Variants in SLC44A3 observed in about 807,000 individuals in gnomAD.
The protein encoded by SLC44A3 is solute carrier family 44 member 3, also known as choline transporter-like protein 3.
Under a neutral mutation model 75.4 loss-of-function variants are expected in SLC44A3, and 74 were observed. The ratio of observed to expected loss-of-function variants is 0.98; its 90% CI spans 0.81 to 1.19. The LOEUF (loss-of-function observed/expected upper bound fraction) is 1.19. Ranked by LOEUF, SLC44A3 falls within the 50% of genes most tolerant of loss-of-function variation. SLC44A3 has a pLI of 0.00. For missense variants in SLC44A3, 700 were observed against 778.6 expected (o/e 0.90, Z 1.20); for synonymous variants, 310 against 296.9 (o/e 1.04, Z -0.45).
At chr1:94,868,889 C>T (rs534623837) in intron 12 of SLC44A3, among the ~76,000 whole-genome samples, 48 of 152,248 alleles carry the variant, frequency 3.2e-4, no homozygotes, top group Non-Finnish European at 5.6e-4. Context: ...TTCATACTGG[C>T]CCCTGGAAGC....
At chr1:94,879,708 A>G (rs1212464313) in intron 12 of SLC44A3, among the ~76,000 whole-genome samples, 4 of 148,258 alleles carry the variant, frequency 2.7e-5, no homozygotes, top group Non-Finnish European at 4.5e-5. Context: ...GTGTGGTGGC[A>G]GGTGCCTGTA....
chr1:94,821,835 A>C (rs1369414677), intron 2 of SLC44A3, among the ~76,000 whole-genome samples: 1 of 152,234 alleles, frequency 6.6e-6, no homozygotes, highest in Non-Finnish European at 1.5e-5. Flanking sequence ...GTTGAAAAGA[A>C]TTCCATCTGA....
intron 2 of SLC44A3, among the ~76,000 whole-genome samples, chr1:94,821,535 A>G (rs1329827709): frequency 6.6e-6 from 1 of 152,198 alleles, no homozygotes; most frequent in Non-Finnish European, 1.5e-5. Context: ...ACTGTTAACC[A>G]TAGCTAACAA....
chr1:94,826,244 G>A (rs1028398991), intron 3 of SLC44A3, among the ~76,000 whole-genome samples: 4 of 152,144 alleles, frequency 2.6e-5, no homozygotes, highest in African/African-American at 9.7e-5. Context: ...AAGGAGGGTG[G>A]GAACCTATTG....
intron 12 of SLC44A3, among the ~76,000 whole-genome samples, chr1:94,881,737 C>T (rs867218262): frequency 1.4e-4 from 20 of 142,204 alleles, no homozygotes; most frequent in African/African-American, 5.0e-4. Context: ...CTGCCGGGCA[C>T]GTTGGCTCAT....
At chr1:94,835,875 G>A (rs150733489) in intron 5 of SLC44A3, among the ~76,000 whole-genome samples, 54 of 152,320 alleles carry the variant, frequency 3.5e-4, no homozygotes, top group African/African-American at 1.1e-3. Context: ...ACAAGGAAAG[G>A]CAATTTCTTG....
chr1:94,823,788 G>A (rs2100905513), intron 2 of SLC44A3, among the ~76,000 whole-genome samples: 2 of 152,238 alleles, frequency 1.3e-5, no homozygotes, highest in African/African-American at 4.8e-5. Context: ...AACTTACTAA[G>A]TTTGCATTAT....
At chr1:94,844,574 G>A (rs1250779036) in intron 8 of SLC44A3, among the ~76,000 whole-genome samples, 1 of 152,214 alleles carries the variant, frequency 6.6e-6, no homozygotes, top group Non-Finnish European at 1.5e-5. Context: ...CTAATGCTAT[G>A]CTGAAGTCAA....
intron 3 of SLC44A3, chr1:94,825,685 G>T: frequency 2.9e-6 from 1 of 345,316 alleles, no homozygotes; most frequent in South Asian, 2.2e-5. Context: ...AAATCCTAAG[G>T]ATCTAAATAA....
chr1:94,880,633 AAC>A (rs1428699584), intron 12 of SLC44A3, among the ~76,000 whole-genome samples: 10 of 152,190 alleles, frequency 6.6e-5, no homozygotes, highest in African/African-American at 2.2e-4. Context: ...GTATTTGGCA[AAC>A]ACAGTAAAAG....
intron 12 of SLC44A3, among the ~76,000 whole-genome samples, chr1:94,876,498 C>T (rs922142475): frequency 3.9e-5 from 6 of 152,144 alleles, no homozygotes; most frequent in Non-Finnish European, 8.8e-5. Context: ...GGCATTAAGA[C>T]TTGTTGAGAG....
At chr1:94,894,724 C>T (rs746093314) in intron 14 of SLC44A3, 94 bp from the exon 15 acceptor site, 6 of 982,862 alleles carry the variant, frequency 6.1e-6, no homozygotes, top group Non-Finnish European at 9.2e-6. Context: ...TTCAGCAAAC[C>T]GTCAGAGGGC....
chr1:94,826,604 C>T (rs972995454), intron 3 of SLC44A3, among the ~76,000 whole-genome samples: 3 of 149,180 alleles, frequency 2.0e-5, no homozygotes, highest in African/African-American at 7.4e-5. Flanking sequence ...TGTCATTGCA[C>T]TCCAGCCTGG....
intron 7 of SLC44A3, among the ~76,000 whole-genome samples, chr1:94,840,708 A>G (rs1663510832): frequency 6.6e-6 from 1 of 152,144 alleles, no homozygotes; most frequent in Non-Finnish European, 1.5e-5. Flanking sequence ...ATTTTAAAGG[A>G]TTTCTTCTGA....
chr1:94,892,589 A>G lies in SLC44A3; in HGVS notation c.1857+72A>G, dbSNP rs1571496265. 20 of 1,428,864 alleles carry G rather than the reference A, an allele frequency of 1.4e-5. No homozygotes were observed. The East Asian group carries it at 1.6e-4, about 11-fold the overall frequency. 88.5% of individuals were successfully genotyped at this position (1,428,864 alleles called of 1,614,324 possible). Reference sequence around the variant, plus strand: ...TTGAAAGTTTTGTAAAGCTGCACACACGAAAGAGGCTCATACCCAGCCTCT... The same window carrying G: ...TTGAAAGTTTTGTAAAGCTGCACACGCGAAAGAGGCTCATACCCAGCCTCT... On this transcript the variant is annotated intron_variant, in intron 14 of 14. Coordinates refer to ENST00000271227, the MANE Select transcript of SLC44A3 (RefSeq NM_001114106.3).
At chr1:94,894,220 T>C (rs894199715) in intron 14 of SLC44A3, among the ~76,000 whole-genome samples, 1 of 152,216 alleles carries the variant, frequency 6.6e-6, no homozygotes, top group Non-Finnish European at 1.5e-5. Context: ...TAAATGGCTA[T>C]CATTGGGACT....
intron 12 of SLC44A3, chr1:94,888,669 G>C: frequency 1.0e-6 from 1 of 982,282 alleles, no homozygotes; most frequent in Non-Finnish European, 1.2e-6. Context: ...AAATTCATCT[G>C]ACGTCTCACT....
chr1:94,876,589 T>A (rs1435280224), intron 12 of SLC44A3, among the ~76,000 whole-genome samples: 4 of 152,250 alleles, frequency 2.6e-5, no homozygotes, highest in Admixed American at 2.6e-4. Flanking sequence ...TGAGTCACTG[T>A]GGCTGAAGGA....
chr1:94,891,366 T>A, intron 13 of SLC44A3, 99 bp downstream of exon 13: 1 of 1,228,916 alleles, frequency 8.1e-7, no homozygotes, highest in Non-Finnish European at 1.1e-6. Flanking sequence ...GTACTTACTC[T>A]ATAGTGGGTG....
Sources: gnomAD v4.1 joint callset for allele counts (sites outside exome capture counted in the v4.1 genomes callset) on GRCh38, gnomAD v4.1.1 for gene constraint, MANE v1.5 for transcripts, NCBI Gene and HGNC (gene_info 2026-07-23, HGNC 2026-07-21) for gene names.